The following CBLN2 variants were observed in gnomAD, a reference collection of about 807,000 sequenced individuals.
The protein encoded by CBLN2 is cerebellin 2 precursor, also known as cerebellin-2.
A neutral mutation model predicts 15.0 loss-of-function variants in CBLN2; 7 were observed. The observed-to-expected ratio is 0.47, with a 90% CI of 0.27 to 0.88. The LOEUF (loss-of-function observed/expected upper bound fraction) is 0.88, where lower values mean the gene tolerates loss of function less well. CBLN2 is among the 40% of genes least tolerant of loss of function. The pLI is 0.14. For synonymous variants in CBLN2, 149 were observed against 135.2 expected, an observed-to-expected ratio of 1.10 and a Z score of -0.71; for missense variants, 242 against 304.5, an observed-to-expected ratio of 0.79 and a Z score of 1.53.
At position 72,549,624 on chromosome 18, in the gene CBLN2, TACA is replaced by T. The variant is rs77380950; in HGVS notation, c.16-10855_16-10853del. 0.051 allele frequency among the ~76,000 whole-genome samples: 7,713 copies of T among 152,286 alleles called. 811 individuals carry two copies. In the East Asian group the frequency reaches 0.51, roughly 10 times the overall value. On this transcript the variant is annotated intron_variant, in intron 1 of 2. Transcript: ENST00000581073. ...CTCAAGTTGAATGTGCTATATTCTA[TACA>T]ATTATTCCAAAAAGAAAAGAAATCA...
intron 1 of CBLN2, chr18:72,638,299 G>C (rs955385954): frequency 2.5e-6 from 1 of 398,432 alleles, no homozygotes; most frequent in African/African-American, 2.1e-5. Context: ...CTCACGTTCT[G>C]TCTAGCCTAA....
At chr18:72,540,722 G>T (rs1017402606) in intron 3 of CBLN2, among the ~76,000 whole-genome samples, 4 of 152,082 alleles carry the variant, frequency 2.6e-5, no homozygotes, top group African/African-American at 4.8e-5. Flanking sequence ...CAATAATTGA[G>T]AAATAAATAC....
At chr18:72,588,492 C>T (rs969506625) in intron 1 of CBLN2, among the ~76,000 whole-genome samples, 1 of 152,178 alleles carries the variant, frequency 6.6e-6, no homozygotes, top group Non-Finnish European at 1.5e-5. Context: ...ACACATTTTG[C>T]ATTTTCAGTT....
At chr18:72,549,526 G>T (rs1248199707) in intron 1 of CBLN2, among the ~76,000 whole-genome samples, 3 of 152,130 alleles carry the variant, frequency 2.0e-5, no homozygotes, top group African/African-American at 7.2e-5. Flanking sequence ...TAATAAACAT[G>T]GAAGCCAGTA....
intron 1 of CBLN2, among the ~76,000 whole-genome samples, chr18:72,567,990 T>G (rs1016661399): frequency 3.9e-5 from 6 of 152,206 alleles, no homozygotes; most frequent in African/African-American, 1.4e-4. Context: ...ACAGTTCTTT[T>G]TTGTTGTTGT....
In CBLN2 at chr18:72,537,868, T is replaced by C. The variant is rs1213478104; in HGVS notation, c.*308A>G. On this transcript the variant is annotated 3_prime_UTR_variant, in exon 5 of 5. Coordinates refer to ENST00000269503, the MANE Select transcript of CBLN2 (RefSeq NM_182511.4). The stretch of plus-strand genomic sequence containing the variant: ...ACAACATACAAACAAAAGAGGTCCA[T>C]GGTCCCAACAATAAAATCCGATATT... 2.5e-6 allele frequency: 1 copy of C among 401,628 alleles called. No individual in the cohort carries two copies. Among genetic ancestry groups the C allele is most frequent in the Non-Finnish European group, 4.6e-6 (1 of 216,850 alleles). 24.9% of individuals were successfully genotyped at this position (401,628 alleles called of 1,614,324 possible).
At chr18:72,618,874 G>T in intron 1 of CBLN2, 1 of 727,442 alleles carries the variant, frequency 1.4e-6, no homozygotes, top group East Asian at 2.6e-5. Flanking sequence ...AAGCTTTAGC[G>T]GTGGTCATGG....
intron 1 of CBLN2, chr18:72,618,967 G>A (rs1417356351): frequency 2.7e-6 from 2 of 750,866 alleles, no homozygotes; most frequent in East Asian, 5.1e-5. Flanking sequence ...CCATGGTGAT[G>A]GTGGATATGG....
upstream of CBLN2, among the ~76,000 whole-genome samples, chr18:72,547,110 TCACACACACA>T (rs36204454): frequency 0.054 from 7,958 of 148,614 alleles, 236 homozygotes; most frequent in African/African-American, 0.077. Context: ...AAAGAAAGTG[TCACACACACA>T]CACACACACA....
intron 1 of CBLN2, among the ~76,000 whole-genome samples, chr18:72,553,707 T>G (rs1311322412): frequency 1.3e-5 from 2 of 152,096 alleles, no homozygotes; most frequent in Non-Finnish European, 2.9e-5. Context: ...CGTAGGAAAT[T>G]TCCTAATCCT....
rs147264259 is a variant in CBLN2 at position 72,572,484 on chromosome 18, A to G, written c.16-33712T>C. ...TATTTCTTACCATAATGTGATTGTT[A>G]AAAGTTTTCAAATGTCCATTTATCT... On this transcript the variant is annotated intron_variant, in intron 1 of 2. Coordinates refer to the CBLN2 transcript ENST00000581073. Among the ~76,000 whole-genome samples the G allele has an allele frequency of 2.9e-3, 440 of 152,304 alleles. 2 individuals are homozygous for G. Among genetic ancestry groups the G allele is most frequent in the African/African-American group, 9.9e-3 (412 of 41,578 alleles).
intron 1 of CBLN2, among the ~76,000 whole-genome samples, chr18:72,634,788 C>A (rs750666934): frequency 1.3e-5 from 2 of 152,118 alleles, no homozygotes. Flanking sequence ...AGTCCCTAAG[C>A]GTAAGAAGAG....
At chr18:72,563,095 G>A (rs893487171) in intron 1 of CBLN2, among the ~76,000 whole-genome samples, 9 of 152,108 alleles carry the variant, frequency 5.9e-5, no homozygotes, top group African/African-American at 9.7e-5. Context: ...ATACATACGC[G>A]ATGCTCTCTC....
Position 72,626,632 on chromosome 18 carries a change from A to G in CBLN2, c.15+11693T>C, listed in dbSNP as rs1202720474. 6.6e-5 allele frequency among the ~76,000 whole-genome samples: 10 copies of G among 152,206 alleles called. No individual in the cohort carries two copies. In the East Asian group the frequency reaches 1.9e-3, roughly 29 times the overall value. On this transcript the variant is annotated intron_variant, in intron 1 of 2. Transcript: ENST00000581073. ...GGAGAATTGCTTGAACCCAGGAGAC[A>G]GAGGTAGCAGTGAGCCAAGATTGCA...
intron 1 of CBLN2, among the ~76,000 whole-genome samples, chr18:72,634,528 G>T (rs1284297165): frequency 1.3e-5 from 2 of 151,982 alleles, no homozygotes; most frequent in South Asian, 2.1e-4. Context: ...AACACATAAG[G>T]CCTGAGGGAA....
chr18:72,547,474 T>A (rs1324258044), upstream of CBLN2, among the ~76,000 whole-genome samples: 2 of 152,158 alleles, frequency 1.3e-5, no homozygotes, highest in Non-Finnish European at 2.9e-5. Context: ...AATTAAAAAT[T>A]TAAAAAATTC....
Position 72,538,659 on chromosome 18 carries a change from G to A in CBLN2, c.471C>T (p.Thr157=). 6.2e-7 allele frequency: 1 copy of A among 1,613,744 alleles called. No homozygotes were observed. Among genetic ancestry groups the A allele is most frequent in the Non-Finnish European group, 8.5e-7 (1 of 1,179,916 alleles). The change falls in exon 4 of 5, where the codon ACC becomes ACT. Residue 157 remains threonine, a synonymous_variant. Transcript: ENST00000269503. ...FHVVKVYNRQ[T]IQVSLMQNGY... ...CAGTTTCAAATCTACCCACCTGGAT[G>A]GTTTGTCTGTTATACACTTTGACCA...
chr18:72,572,620 T>C (rs544890404), intron 1 of CBLN2, among the ~76,000 whole-genome samples: 1 of 152,258 alleles, frequency 6.6e-6, no homozygotes, highest in South Asian at 2.1e-4. Context: ...GGTCTCACTA[T>C]ATTGCCTAGG....
At chr18:72,579,471 G>T (rs908178204) in intron 1 of CBLN2, among the ~76,000 whole-genome samples, 1 of 152,092 alleles carries the variant, frequency 6.6e-6, no homozygotes, top group Admixed American at 6.6e-5. Flanking sequence ...GTAATACCAC[G>T]CCTGTAATCC....
Sources: allele counts gnomAD v4.1 joint callset (sites outside exome capture counted in the v4.1 genomes callset), GRCh38; gene constraint gnomAD v4.1.1; transcripts MANE v1.5; gene names NCBI Gene and HGNC (gene_info 2026-07-23, HGNC 2026-07-21).